The following PLEKHA8 variants were observed in gnomAD, a reference collection of about 807,000 sequenced individuals.
The protein encoded by PLEKHA8 is pleckstrin homology domain containing A8, also known as pleckstrin homology domain-containing family A member 8.
PLEKHA8 carries 36 observed loss-of-function variants against 68.2 expected under a neutral mutation model. The observed-to-expected ratio is 0.53, with a 90% CI of 0.40 to 0.70. The LOEUF (loss-of-function observed/expected upper bound fraction) is 0.70. Among genes scored for constraint, PLEKHA8 ranks in the 30% least tolerant of loss-of-function variants. The probability of loss-of-function intolerance (pLI) is 0.00; values close to 1 mark genes in which losing one functional copy is unlikely to be tolerated. For synonymous variants in PLEKHA8, 211 were observed against 216.1 expected, an observed-to-expected ratio of 0.98 and a Z score of 0.20; for missense variants, 505 against 615.4, an observed-to-expected ratio of 0.82 and a Z score of 1.90.
intron 13 of PLEKHA8, chr7:30,074,931 C>T (rs187832973): frequency 7.2e-5 from 11 of 152,248 alleles, no homozygotes; most frequent in Admixed American, 6.5e-4. Context: ...GAGTAGATGG[C>T]TCCTTTATGT....
chr7:30,045,287 C>G, intron 2 of PLEKHA8, 86 bp downstream of exon 2: 1 of 948,714 alleles, frequency 1.1e-6, no homozygotes, highest in South Asian at 1.6e-5. Flanking sequence ...GCATACCTTT[C>G]TCTGCTGCTC....
rs185055405 is a variant in PLEKHA8, at chr7:30,081,946, T to C, written c.*3159T>C. On this transcript the variant is annotated 3_prime_UTR_variant, in exon 14 of 14. Transcript: ENST00000449726. ...GAAAGCAAGTCAGATTCCTTATAGC[T>C]AATGCTGGTGAAAAATGTTAAATTG... is the stretch of plus-strand genomic sequence containing the variant. 369 of 955,158 alleles carry C rather than the reference T, an allele frequency of 3.9e-4. No individual in the cohort carries two copies. In the African/African-American group the frequency reaches 6.1e-3, roughly 16 times the overall value. The allele number at this position is 955,158 out of a possible 1,614,324, so 59.2% of individuals were successfully genotyped here.
chr7:30,055,682 T>C (rs189290675), intron 9 of PLEKHA8, among the ~76,000 whole-genome samples: 59 of 152,252 alleles, frequency 3.9e-4, no homozygotes, highest in Non-Finnish European at 6.5e-4. Context: ...TAAAACTTTT[T>C]TGAGACAGGC....
rs138240733 is a variant in PLEKHA8 at position 30,124,408 on chromosome 7, A to C, written c.1363-4858A>C. Among the ~76,000 whole-genome samples, 62 of 152,326 alleles carry C rather than the reference A, an allele frequency of 4.1e-4. 1 individual carries two copies. Among genetic ancestry groups the C allele is most frequent in the African/African-American group, 1.3e-3 (56 of 41,576 alleles). On this transcript the variant is annotated intron_variant, in intron 13 of 13. Transcript: ENST00000396257. ...GCCCCCTGAGATCTGTTCTAAAGAA[A>C]AATGTCAGTTTGTGTGGGATAAAAA...
At chr7:30,067,550 T>G (rs780213541) in intron 12 of PLEKHA8, among the ~76,000 whole-genome samples, 1 of 152,222 alleles carries the variant, frequency 6.6e-6, no homozygotes, top group Non-Finnish European at 1.5e-5. Context: ...TTCAATACAG[T>G]TAAGTGCCCA....
chr7:30,059,253 G>A (rs1247165080), intron 9 of PLEKHA8, among the ~76,000 whole-genome samples: 1 of 152,142 alleles, frequency 6.6e-6, no homozygotes, highest in African/African-American at 2.4e-5. Flanking sequence ...TTAGGAATAA[G>A]TTTTAGAATT....
intron 13 of PLEKHA8, among the ~76,000 whole-genome samples, chr7:30,115,239 A>G (rs962398600): frequency 2.0e-5 from 3 of 152,132 alleles, no homozygotes; most frequent in African/African-American, 7.2e-5. Flanking sequence ...TCTTCTTTTA[A>G]GAAAGTTAGG....
Position 30,078,666 on chromosome 7 carries a change from A to G in PLEKHA8, c.1439A>G (p.Glu480Gly), listed in dbSNP as rs748844690. The change falls in exon 14 of 14, where the codon GAA becomes GGA. Residue 480 changes from glutamate to glycine, a missense_variant. Coordinates refer to ENST00000449726, the MANE Select transcript of PLEKHA8 (RefSeq NM_001197026.2). ...LTVKEGDHQK[E>G]AFSIGMQRDL... Reference sequence around the variant, plus strand: ...GTAAAGGAAGGTGACCACCAGAAAGAAGCTTTCAGTATTGGGATGCAGAGG... The same window carrying G: ...GTAAAGGAAGGTGACCACCAGAAAGGAGCTTTCAGTATTGGGATGCAGAGG... 5.5e-5 allele frequency: 89 copies of G among 1,613,766 alleles called. No homozygotes were observed. The highest frequency in any genetic ancestry group is 7.5e-5 in the Non-Finnish European group (89 of 1,179,880).
chr7:30,130,293 C>G (rs1796851546), downstream of PLEKHA8: 2 of 152,158 alleles, frequency 1.3e-5, no homozygotes, highest in African/African-American at 4.8e-5. Context: ...GTGTTAGTCC[C>G]TTAGCACCAC....
chr7:30,109,974 A>G (rs868507488), intron 13 of PLEKHA8, among the ~76,000 whole-genome samples: 1 of 152,184 alleles, frequency 6.6e-6, no homozygotes, highest in Non-Finnish European at 1.5e-5. Flanking sequence ...ACAAGATACC[A>G]CATTGCTTTT....
exon 14 of PLEKHA8, chr7:30,129,394 C>T (rs1796836164): frequency 2.0e-6 from 3 of 1,537,640 alleles, no homozygotes; most frequent in East Asian, 4.5e-5. Flanking sequence ...GATAAAGAAG[C>T]AGCCAATTCC....
At chr7:30,111,504 T>C (rs1796274148) in intron 13 of PLEKHA8, among the ~76,000 whole-genome samples, 1 of 152,174 alleles carries the variant, frequency 6.6e-6, no homozygotes, top group Non-Finnish European at 1.5e-5. Flanking sequence ...ATTTGTTGTT[T>C]CTTAGTTTTC....
chr7:30,116,883 A>G (rs1478352738), intron 13 of PLEKHA8, among the ~76,000 whole-genome samples: 1 of 152,206 alleles, frequency 6.6e-6, no homozygotes, highest in Non-Finnish European at 1.5e-5. Flanking sequence ...AGGCCAGTGT[A>G]TAAAAAGGAT....
At chr7:30,067,246 G>A (rs1793913035) in intron 12 of PLEKHA8, among the ~76,000 whole-genome samples, 1 of 152,238 alleles carries the variant, frequency 6.6e-6, no homozygotes, top group Admixed American at 6.5e-5. Flanking sequence ...AAGGCAGGCA[G>A]ATCACTTGAG....
intron 12 of PLEKHA8, among the ~76,000 whole-genome samples, chr7:30,063,389 G>A (rs1040655400): frequency 2.0e-5 from 3 of 152,226 alleles, no homozygotes; most frequent in Non-Finnish European, 4.4e-5. Context: ...TTTGGAAAAT[G>A]TTGAGATTGG....
At chr7:30,089,076 C>T (rs1009266718), downstream of PLEKHA8, among the ~76,000 whole-genome samples, 1 of 152,124 alleles carries the variant, frequency 6.6e-6, no homozygotes, top group African/African-American at 2.4e-5. Flanking sequence ...TCAGAATTCA[C>T]TGTGGTGCAG....
At chr7:30,038,911 A>T (rs1791311587) in intron 1 of PLEKHA8, among the ~76,000 whole-genome samples, 1 of 142,212 alleles carries the variant, frequency 7.0e-6, no homozygotes, top group Non-Finnish European at 1.5e-5. Context: ...TTGGGAAATT[A>T]AAAAAAAAAA....
intron 12 of PLEKHA8, among the ~76,000 whole-genome samples, chr7:30,066,258 A>C (rs1337440415): frequency 5.3e-5 from 8 of 152,226 alleles, no homozygotes; most frequent in African/African-American, 1.9e-4. Context: ...GTATGGTCTT[A>C]ATGGCCTTGG....
Position 30,081,438 on chromosome 7 carries a change from C to A in PLEKHA8, c.*2651C>A. The A allele has an allele frequency of 2.0e-6, 2 of 984,578 alleles. No homozygotes were observed. Among genetic ancestry groups the A allele is most frequent in the Non-Finnish European group, 2.4e-6 (2 of 829,168 alleles). The allele number at this position is 984,578 out of a possible 1,614,324, so 61.0% of individuals were successfully genotyped here. A position where few individuals can be genotyped will look rare whatever the true frequency, so the allele number is the denominator to read the frequency against. On this transcript the variant is annotated 3_prime_UTR_variant, in exon 14 of 14. Coordinates refer to ENST00000449726, the MANE Select transcript of PLEKHA8 (RefSeq NM_001197026.2). ...AACCTGAACCTTGGCATAGTCAGAG[C>A]TTCCTCCTACATCTAAAGTATTTGC...
Sources: gnomAD v4.1 joint callset for allele counts (sites outside exome capture counted in the v4.1 genomes callset) on GRCh38, gnomAD v4.1.1 for gene constraint, MANE v1.5 for transcripts, NCBI Gene and HGNC (gene_info 2026-07-23, HGNC 2026-07-21) for gene names.